Variants in IQSEC1 observed in about 807,000 individuals in gnomAD.
The protein encoded by IQSEC1 is IQ motif and SEC7 domain-containing protein 1.
Under a neutral mutation model 91.0 loss-of-function variants are expected in IQSEC1, and 31 were observed. That is an observed-to-expected ratio of 0.34 (90% CI 0.26 to 0.46). The LOEUF (loss-of-function observed/expected upper bound fraction) is 0.46. Ranked by LOEUF, IQSEC1 falls within the 20% of genes least tolerant of loss-of-function variation. The probability of loss-of-function intolerance (pLI) is 1.00; values close to 1 mark genes in which losing one functional copy is unlikely to be tolerated. For synonymous variants in IQSEC1, 699 were observed against 662.6 expected, an observed-to-expected ratio of 1.05 and a Z score of -0.84; for missense variants, 1,388 against 1,575.6, an observed-to-expected ratio of 0.88 and a Z score of 2.02.
chr3:13,215,394 C>T (rs962752730), intron 1 of IQSEC1, among the ~76,000 whole-genome samples: 1 of 151,782 alleles, frequency 6.6e-6, no homozygotes, highest in Non-Finnish European at 1.5e-5. Context: ...TGGCGCCCAC[C>T]TTCAGGCTCT....
intron 12 of IQSEC1, among the ~76,000 whole-genome samples, chr3:12,903,931 C>T (rs1212879971): frequency 6.6e-6 from 1 of 152,232 alleles, no homozygotes; most frequent in African/African-American, 2.4e-5. Flanking sequence ...GCAGGGTTCA[C>T]ACCCAGACCT....
At chr3:12,961,433 C>T (rs1355332431) in intron 1 of IQSEC1, among the ~76,000 whole-genome samples, 2 of 152,244 alleles carry the variant, frequency 1.3e-5, no homozygotes, top group African/African-American at 4.8e-5. Flanking sequence ...TCTTAATACC[C>T]TTAACCATCC....
chr3:13,203,211 G>GCACACACACACATA (rs1694277685), intron 1 of IQSEC1, among the ~76,000 whole-genome samples: 1 of 150,394 alleles, frequency 6.6e-6, no homozygotes, highest in Non-Finnish European at 1.5e-5. Context: ...GCTCACACAT[G>GCACACACACACATA]CACACACACA....
intron 1 of IQSEC1, among the ~76,000 whole-genome samples, chr3:13,064,538 T>A (rs116509532): frequency 6.6e-6 from 1 of 152,224 alleles, no homozygotes; most frequent in African/African-American, 2.4e-5. Context: ...CAAACCCAGA[T>A]GGATGCTGGA....
intron 13 of IQSEC1, among the ~76,000 whole-genome samples, chr3:12,901,798 G>A (rs1694341451): frequency 6.6e-6 from 1 of 152,140 alleles, no homozygotes; most frequent in Non-Finnish European, 1.5e-5. Context: ...TAGGACTTCT[G>A]GTCTCATTCT....
rs1026873947 is a variant in IQSEC1, at chr3:13,084,972, G to T, written c.303-37450C>A. Among the ~76,000 whole-genome samples the T allele has an allele frequency of 6.6e-5, 10 of 151,990 alleles. No homozygotes were observed. The East Asian group carries it at 1.9e-3, about 29-fold the overall frequency. On this transcript the variant is annotated intron_variant, in intron 2 of 15. Transcript: ENST00000648114. ...AGAAGAAACAGCCTCGGGGTGGGGT[G>T]GGGGGGCAATTCTAGCCCCCAAGTC...
intron 1 of IQSEC1, among the ~76,000 whole-genome samples, chr3:13,069,525 G>A (rs1044210776): frequency 6.6e-6 from 1 of 152,226 alleles, no homozygotes; most frequent in Admixed American, 6.5e-5. Context: ...CCCACCAGAG[G>A]GAGACCACTG....
At chr3:13,227,435 C>A (rs1452587702) in intron 1 of IQSEC1, among the ~76,000 whole-genome samples, 3 of 148,174 alleles carry the variant, frequency 2.0e-5, no homozygotes, top group African/African-American at 5.0e-5. Flanking sequence ...AAAAAAAAAT[C>A]CTGCCCTCTC....
chr3:12,968,116 C>T (rs75262025), intron 1 of IQSEC1, among the ~76,000 whole-genome samples: 10,932 of 152,286 alleles, frequency 0.072, 558 homozygotes, highest in Non-Finnish European at 0.11. Context: ...AAATGCACAG[C>T]GCCAAACCCC....
At position 13,008,740 on chromosome 3, in the gene IQSEC1, A is replaced by G. The variant is rs368458307; in HGVS notation, c.23+64252T>C. Among the ~76,000 whole-genome samples, 1 of 152,080 alleles carries G rather than the reference A, an allele frequency of 6.6e-6. No homozygotes were observed. The highest frequency in any genetic ancestry group is 1.9e-4 in the East Asian group (1 of 5,184). ...CGGTGCTGGGCACACAGTCAATATT[A>G]GTTGGTCGAGTTACTGATAGAACAA... On this transcript the variant is annotated intron_variant, in intron 1 of 13. Transcript: ENST00000613206. The surrounding 1 kb of genome is among the most constrained non-coding windows in gnomAD (Gnocchi z 4.1).
At chr3:13,079,623 C>A (rs1310466899) in intron 2 of IQSEC1, among the ~76,000 whole-genome samples, 1 of 152,184 alleles carries the variant, frequency 6.6e-6, no homozygotes. Flanking sequence ...TTACTGGGGC[C>A]CCCATGGGGA....
intron 6 of IQSEC1, among the ~76,000 whole-genome samples, chr3:12,915,958 T>A (rs1696047727): frequency 1.3e-5 from 2 of 152,202 alleles, no homozygotes; most frequent in African/African-American, 4.8e-5. Context: ...GCGATGGGTG[T>A]CAGGGGCTGA....
At chr3:13,197,538 A>T (rs374144284) in intron 1 of IQSEC1, among the ~76,000 whole-genome samples, 14 of 152,212 alleles carry the variant, frequency 9.2e-5, no homozygotes, top group African/African-American at 3.1e-4. Flanking sequence ...TGTCCCCCAC[A>T]GGCTGCATAA....
At chr3:13,265,689 C>A (rs1290559682) in intron 1 of IQSEC1, among the ~76,000 whole-genome samples, 2 of 152,098 alleles carry the variant, frequency 1.3e-5, no homozygotes, top group Non-Finnish European at 2.9e-5. Context: ...GCTGCCTAAG[C>A]CCCAGCCATC....
intron 1 of IQSEC1, among the ~76,000 whole-genome samples, chr3:13,059,633 T>C (rs1559242755): frequency 6.6e-6 from 1 of 152,150 alleles, no homozygotes; most frequent in African/African-American, 2.4e-5. Flanking sequence ...GTGCCTGTAG[T>C]CCAACTACTT....
chr3:13,131,667 A>G (rs1373900311), intron 2 of IQSEC1, among the ~76,000 whole-genome samples: 1 of 151,946 alleles, frequency 6.6e-6, no homozygotes, highest in East Asian at 1.9e-4. Context: ...TTGTATTTTT[A>G]GTAGAGACAT....
chr3:12,951,445 C>CA (rs34564171), intron 1 of IQSEC1, among the ~76,000 whole-genome samples: 69,405 of 143,578 alleles, frequency 0.48, 16,787 homozygotes, highest in Middle Eastern at 0.55. Context: ...ACCTCTATCT[C>CA]AAAAAAAAAA....
At chr3:13,277,933 A>G (rs924836278) in intron 1 of IQSEC1, among the ~76,000 whole-genome samples, 2 of 152,052 alleles carry the variant, frequency 1.3e-5, no homozygotes, top group African/African-American at 4.8e-5. Context: ...CACACTTATC[A>G]GGGGCTCCCG....
chr3:13,269,720 TG>T (rs1695560656), intron 1 of IQSEC1, among the ~76,000 whole-genome samples: 2 of 152,204 alleles, frequency 1.3e-5, no homozygotes, highest in Admixed American at 6.5e-5. Context: ...GGCCCACCTG[TG>T]GGCAGGCCAC....
Sources: allele counts gnomAD v4.1 joint callset (sites outside exome capture counted in the v4.1 genomes callset), GRCh38; gene constraint gnomAD v4.1.1; non-coding constraint Gnocchi (gnomAD v3.1); transcripts MANE v1.5; gene names NCBI Gene and HGNC (gene_info 2026-07-23, HGNC 2026-07-21).